The following TENM3 variants were observed in gnomAD, a reference collection of about 807,000 sequenced individuals.
TENM3 encodes the protein teneurin transmembrane protein 3, also known as teneurin-3.
TENM3 carries 63 observed loss-of-function variants against 255.1 expected under a neutral mutation model. That is an observed-to-expected ratio of 0.25 (90% CI 0.20 to 0.30). TENM3 has a LOEUF of 0.30. Ranked by LOEUF, TENM3 falls within the 10% of genes least tolerant of loss-of-function variation. The pLI, the probability that TENM3 is intolerant of heterozygous loss-of-function variation, is 1.00. For synonymous variants in TENM3, 1,306 were observed against 1,322.3 expected, an observed-to-expected ratio of 0.99 and a Z score of 0.27; for missense variants, 2,929 against 3,461.1, an observed-to-expected ratio of 0.85 and a Z score of 3.86.
intron 3 of TENM3, among the ~76,000 whole-genome samples, chr4:182,424,498 C>T (rs1388868213): frequency 6.6e-6 from 1 of 151,130 alleles, no homozygotes; most frequent in Non-Finnish European, 1.5e-5. Flanking sequence ...ACTATCATCT[C>T]TAGGTTGGGC....
chr4:182,757,311 CAAAAAAAAAAAAAAAAAAA>C (rs10571604), intron 22 of TENM3, among the ~76,000 whole-genome samples: 1 of 53,608 alleles, frequency 1.9e-5, no homozygotes, highest in African/African-American at 7.8e-5. Context: ...GACTCCGTCT[CAAAAAAAAAAAAAAAAAAA>C]AAAAAAAGAT....
intron 1 of TENM3, among the ~76,000 whole-genome samples, chr4:182,293,263 C>T (rs909843770): frequency 8.5e-5 from 13 of 152,154 alleles, no homozygotes; most frequent in African/African-American, 2.4e-4. Context: ...ATCTTTGAGG[C>T]GATTCAGCAG....
the TENM3 span, among the ~76,000 whole-genome samples, chr4:181,647,946 A>C: frequency 6.6e-6 from 1 of 152,038 alleles, no homozygotes; most frequent in Admixed American, 6.6e-5. Context: ...AGGATTCCAC[A>C]CTGCTGTGAG....
chr4:182,474,019 G>A (rs1733421072), intron 3 of TENM3, among the ~76,000 whole-genome samples: 1 of 152,172 alleles, frequency 6.6e-6, no homozygotes, highest in Admixed American at 6.5e-5. Flanking sequence ...CTGATGAGAT[G>A]AGGTGGTAAT....
the TENM3 span, among the ~76,000 whole-genome samples, chr4:181,995,803 A>G: frequency 6.6e-6 from 1 of 152,182 alleles, no homozygotes; most frequent in African/African-American, 2.4e-5. Context: ...CATCTATTTC[A>G]GGATCCAAAA....
intron 3 of TENM3, among the ~76,000 whole-genome samples, chr4:182,484,308 G>A (rs1385389324): frequency 3.3e-5 from 5 of 152,188 alleles, no homozygotes; most frequent in African/African-American, 4.8e-5. Flanking sequence ...CAGTTGTGGA[G>A]CTAGGATTTG....
At chr4:182,691,510 G>C (rs1043169694) in intron 12 of TENM3, among the ~76,000 whole-genome samples, 8 of 152,136 alleles carry the variant, frequency 5.3e-5, no homozygotes, top group Non-Finnish European at 2.9e-5. Flanking sequence ...AGTAAAATAG[G>C]TTATGAATTT....
At chr4:182,466,018 C>T (rs573400746) in intron 3 of TENM3, among the ~76,000 whole-genome samples, 60 of 152,114 alleles carry the variant, frequency 3.9e-4, no homozygotes, top group Admixed American at 2.2e-3. Context: ...AACCAAAGTA[C>T]GTTATGGTTT....
At chr4:182,221,299 A>G (rs527778403) in intron 1 of TENM3, among the ~76,000 whole-genome samples, 1 of 152,302 alleles carries the variant, frequency 6.6e-6, no homozygotes, top group South Asian at 2.1e-4. Context: ...AGAATATTTG[A>G]TCTTTTTAAG....
intron 12 of TENM3, among the ~76,000 whole-genome samples, chr4:182,708,814 A>G (rs1234584501): frequency 6.6e-6 from 1 of 151,496 alleles, no homozygotes; most frequent in Admixed American, 6.6e-5. Flanking sequence ...AAAAAAAAAA[A>G]GATGTGAGAC....
intron 3 of TENM3, among the ~76,000 whole-genome samples, chr4:182,387,116 C>T (rs183393836): frequency 1.1e-4 from 17 of 152,228 alleles, no homozygotes; most frequent in South Asian, 2.1e-4. Context: ...ATGCACCAAC[C>T]GACACCCTGT....
chr4:181,873,074 AT>A, the TENM3 span, among the ~76,000 whole-genome samples: 38 of 149,790 alleles, frequency 2.5e-4, no homozygotes, highest in South Asian at 6.3e-4. Context: ...TAATATAAGT[AT>A]TTTTTTTTTC....
In TENM3 at chr4:182,392,706, G is replaced by A. The variant is rs866834307; in HGVS notation, c.511+45777G>A. ...GGTGGAAACAGAGAAGGAGGCAGGT[G>A]TGAACAGTAGAGAAATAGAGGCAGG... On this transcript the variant is annotated intron_variant, in intron 3 of 27. Transcript: ENST00000511685. Among the ~76,000 whole-genome samples the A allele has an allele frequency of 1.6e-4, 25 of 152,302 alleles. 1 individual carries two copies. The highest frequency in any genetic ancestry group is 3.4e-3 in the Middle Eastern group (1 of 294).
chr4:181,657,213 T>C, the TENM3 span, among the ~76,000 whole-genome samples: 4 of 152,216 alleles, frequency 2.6e-5, no homozygotes, highest in Non-Finnish European at 5.9e-5. Flanking sequence ...GAAAAAATAA[T>C]TCTGTGGCCA....
the TENM3 span, among the ~76,000 whole-genome samples, chr4:181,942,411 A>G: frequency 6.6e-6 from 1 of 151,728 alleles, no homozygotes; most frequent in Non-Finnish European, 1.5e-5. Flanking sequence ...CAGGCCTTCT[A>G]AGTGCCTAAA....
intron 1 of TENM3, among the ~76,000 whole-genome samples, chr4:182,181,425 C>T (rs984771755): frequency 3.3e-5 from 5 of 152,272 alleles, no homozygotes; most frequent in South Asian, 2.1e-4. Flanking sequence ...GCGGGAGCCG[C>T]GGAGCTCAGC....
intron 1 of TENM3, among the ~76,000 whole-genome samples, chr4:182,250,655 T>C (rs1311426770): frequency 6.6e-6 from 1 of 152,220 alleles, no homozygotes; most frequent in Admixed American, 6.5e-5. Flanking sequence ...GTGTGAATGA[T>C]TTCCAGCTAG....
At chr4:182,015,964 C>A in the TENM3 span, among the ~76,000 whole-genome samples, 4 of 152,092 alleles carry the variant, frequency 2.6e-5, no homozygotes, top group African/African-American at 9.7e-5. Flanking sequence ...TAACATAAAC[C>A]TAGATATCAT....
intron 22 of TENM3, among the ~76,000 whole-genome samples, chr4:182,770,404 T>C (rs186272232): frequency 2.2e-4 from 34 of 152,268 alleles, no homozygotes; most frequent in Middle Eastern, 3.4e-3. Context: ...AGTATGACTC[T>C]GTGCTGGCCA....
Sources: gnomAD v4.1 joint callset for allele counts (sites outside exome capture counted in the v4.1 genomes callset) on GRCh38, gnomAD v4.1.1 for gene constraint, MANE v1.5 for transcripts, NCBI Gene and HGNC (gene_info 2026-07-23, HGNC 2026-07-21) for gene names.